INPP4B: variants seen among roughly 807,000 people sequenced by gnomAD.
INPP4B encodes the protein inositol polyphosphate 4-phosphatase type II.
A neutral mutation model predicts 122.5 loss-of-function variants in INPP4B; 55 were observed. That is an observed-to-expected ratio of 0.45 (90% CI 0.36 to 0.56). The LOEUF is 0.56. Ranked by LOEUF, INPP4B falls within the 20% of genes least tolerant of loss-of-function variation. The probability of loss-of-function intolerance (pLI) is 0.00; values close to 1 mark genes in which losing one functional copy is unlikely to be tolerated. For synonymous variants in INPP4B, 403 were observed against 388.7 expected (o/e 1.04, Z -0.43); for missense variants, 1,000 against 1,097.7 (o/e 0.91, Z 1.26).
chr4:142,369,724 C>T (rs186708797), intron 7 of INPP4B, among the ~76,000 whole-genome samples: 307 of 151,734 alleles, frequency 2.0e-3, no homozygotes, highest in African/African-American at 6.8e-3. Flanking sequence ...GTTAGGAGTT[C>T]GAGACCGGCC....
chr4:142,132,730 T>G (rs912321472), intron 18 of INPP4B, among the ~76,000 whole-genome samples: 1 of 152,186 alleles, frequency 6.6e-6, no homozygotes, highest in African/African-American at 2.4e-5. Context: ...TATCAATATT[T>G]CCTTTTTAAC....
rs749473403 is a variant in INPP4B at position 142,778,179 on chromosome 4, CAG to C, written c.-253-52280_-253-52279del. On this transcript the variant is annotated intron_variant, in intron 1 of 25. Transcript: ENST00000262992. ...GTACGGAGAATTGTGAAATTTAAAA[CAG>C]ATGATATATGTGGAAGTCTCTGACC... is the stretch of plus-strand genomic sequence containing the variant. Among the ~76,000 whole-genome samples the C allele has an allele frequency of 9.2e-5, 14 of 152,132 alleles. 1 individual carries two copies. The East Asian group carries it at 1.5e-3, about 17-fold the overall frequency.
At chr4:142,379,922 C>G (rs1037757821) in intron 7 of INPP4B, among the ~76,000 whole-genome samples, 4 of 152,204 alleles carry the variant, frequency 2.6e-5, no homozygotes, top group African/African-American at 7.2e-5. Context: ...CCAGGTAGAG[C>G]TGGCCAGCCA....
At position 142,540,011 on chromosome 4, in the gene INPP4B, T is replaced by C. The variant is rs149242054; in HGVS notation, c.-190-77285A>G. On this transcript the variant is annotated intron_variant, in intron 2 of 25. Transcript: ENST00000262992. ...TCAACTTGAAGTTCCTCTTTTTCTGTCCTTTTTAACTCCAAATCACTTTTT... is the reference window on the plus strand; with the variant it reads ...TCAACTTGAAGTTCCTCTTTTTCTGCCCTTTTTAACTCCAAATCACTTTTT... Among the ~76,000 whole-genome samples, 47 of 152,226 alleles carry C rather than the reference T, an allele frequency of 3.1e-4. No homozygotes were observed. In the East Asian group the frequency reaches 3.9e-3, roughly 13 times the overall value.
chr4:142,749,565 G>T (rs181015077), intron 1 of INPP4B, among the ~76,000 whole-genome samples: 5 of 151,500 alleles, frequency 3.3e-5, no homozygotes, highest in Non-Finnish European at 5.9e-5. Context: ...GGGATAAAAA[G>T]GTATCCACTC....
At chr4:142,251,204 C>A (rs996599657) in intron 11 of INPP4B, among the ~76,000 whole-genome samples, 1 of 152,074 alleles carries the variant, frequency 6.6e-6, no homozygotes, top group Non-Finnish European at 1.5e-5. Flanking sequence ...AATGCCACTT[C>A]TTTTTGTGCA....
At chr4:142,477,441 A>C (rs184741850) in intron 2 of INPP4B, among the ~76,000 whole-genome samples, 1 of 151,720 alleles carries the variant, frequency 6.6e-6, no homozygotes, top group Admixed American at 6.6e-5. Flanking sequence ...AATAAGCAAA[A>C]TTAGGGCTGA....
At chr4:142,280,779 A>G (rs1381943745) in intron 9 of INPP4B, among the ~76,000 whole-genome samples, 1 of 152,040 alleles carries the variant, frequency 6.6e-6, no homozygotes, top group Admixed American at 6.6e-5. Context: ...GGCATACAGA[A>G]ACCACATTAT....
At chr4:142,229,507 C>T (rs1044712011) in intron 12 of INPP4B, among the ~76,000 whole-genome samples, 5 of 151,942 alleles carry the variant, frequency 3.3e-5, no homozygotes, top group Non-Finnish European at 5.9e-5. Flanking sequence ...TCCACATGGC[C>T]GGTGAATGGT....
chr4:142,544,534 A>G (rs1829330331), intron 2 of INPP4B, among the ~76,000 whole-genome samples: 1 of 152,138 alleles, frequency 6.6e-6, no homozygotes, highest in African/African-American at 2.4e-5. Context: ...GAGAGAAAAA[A>G]TATTTTAAAA....
At chr4:142,129,519 C>T (rs145426519) in intron 18 of INPP4B, among the ~76,000 whole-genome samples, 347 of 152,210 alleles carry the variant, frequency 2.3e-3, no homozygotes, top group African/African-American at 8.1e-3. Flanking sequence ...TAATACACGT[C>T]GCCAACTTTG....
At chr4:142,312,530 C>T (rs182698568) in intron 8 of INPP4B, among the ~76,000 whole-genome samples, 85 of 152,304 alleles carry the variant, frequency 5.6e-4, no homozygotes, top group Middle Eastern at 6.8e-3. Flanking sequence ...CCTGAAGCTG[C>T]TGGCACTCAT....
intron 1 of INPP4B, among the ~76,000 whole-genome samples, chr4:142,750,963 T>C (rs1342196934): frequency 6.6e-6 from 1 of 151,950 alleles, no homozygotes; most frequent in Non-Finnish European, 1.5e-5. Flanking sequence ...TAAGGAACAT[T>C]CTCAAAAAGT....
intron 3 of INPP4B, among the ~76,000 whole-genome samples, chr4:142,452,567 A>G (rs1814535701): frequency 6.6e-6 from 1 of 152,220 alleles, no homozygotes; most frequent in Admixed American, 6.5e-5. Flanking sequence ...ACTGGTAGTC[A>G]TCTCCTTTAA....
chr4:142,426,139 G>T (rs1225951123), intron 5 of INPP4B, among the ~76,000 whole-genome samples: 2 of 151,940 alleles, frequency 1.3e-5, no homozygotes, highest in Non-Finnish European at 2.9e-5. Flanking sequence ...ACAAAAATAT[G>T]AAGACATATT....
intron 2 of INPP4B, among the ~76,000 whole-genome samples, chr4:142,466,690 A>G (rs911783659): frequency 3.3e-5 from 5 of 152,194 alleles, no homozygotes; most frequent in African/African-American, 1.2e-4. Flanking sequence ...ATCTAATACA[A>G]TGGGAAAAAG....
intron 2 of INPP4B, among the ~76,000 whole-genome samples, chr4:142,467,509 T>C (rs1334983586): frequency 6.6e-6 from 1 of 152,196 alleles, no homozygotes; most frequent in African/African-American, 2.4e-5. Context: ...CACCATTGTA[T>C]CTTGAGAGTA....
At chr4:142,450,313 G>C (rs77761218) in intron 3 of INPP4B, among the ~76,000 whole-genome samples, 2,584 of 152,264 alleles carry the variant, frequency 0.017, 73 homozygotes, top group African/African-American at 0.058. Context: ...AATAACTACT[G>C]TCTTAATGTC....
intron 1 of INPP4B, among the ~76,000 whole-genome samples, chr4:142,748,523 A>G (rs958512039): frequency 2.0e-5 from 3 of 152,010 alleles, no homozygotes; most frequent in African/African-American, 7.2e-5. Flanking sequence ...AATTGTAAAA[A>G]TTAATAATTA....
Sources: gnomAD v4.1 joint callset for allele counts (sites outside exome capture counted in the v4.1 genomes callset) on GRCh38, gnomAD v4.1.1 for gene constraint, MANE v1.5 for transcripts, NCBI Gene and HGNC (gene_info 2026-07-23, HGNC 2026-07-21) for gene names.